The following SLC24A2 variants were observed in gnomAD, a reference collection of about 807,000 sequenced individuals.
SLC24A2 encodes sodium/potassium/calcium exchanger 2.
Under a neutral mutation model 62.0 loss-of-function variants are expected in SLC24A2, and 36 were observed. That is an observed-to-expected ratio of 0.58 (90% confidence interval 0.44 to 0.77). The LOEUF is 0.77. Ranked by LOEUF, SLC24A2 falls within the 30% of genes least tolerant of loss-of-function variation. The pLI, the probability that SLC24A2 is intolerant of heterozygous loss-of-function variation, is 0.00. For synonymous variants in SLC24A2, 358 were observed against 294.0 expected, an observed-to-expected ratio of 1.22 and a Z score of -2.23; for missense variants, 846 against 817.9, an observed-to-expected ratio of 1.03 and a Z score of -0.42.
the SLC24A2 span, among the ~76,000 whole-genome samples, chr9:20,226,787 C>A: frequency 6.6e-6 from 1 of 152,200 alleles, no homozygotes; most frequent in South Asian, 2.1e-4. Flanking sequence ...TGGGCCTCTG[C>A]AACTTGTGTA....
intron 2 of SLC24A2, among the ~76,000 whole-genome samples, chr9:19,686,862 G>T (rs1039276176): frequency 1.3e-5 from 2 of 152,042 alleles, no homozygotes; most frequent in African/African-American, 4.8e-5. Context: ...ATTCACAACA[G>T]CAAAGACATG....
the SLC24A2 span, among the ~76,000 whole-genome samples, chr9:19,998,886 G>T: frequency 6.6e-6 from 1 of 152,162 alleles, no homozygotes; most frequent in African/African-American, 2.4e-5. Flanking sequence ...CCTGATGATG[G>T]GGGACCTCAG....
the SLC24A2 span, among the ~76,000 whole-genome samples, chr9:20,024,374 C>A: frequency 6.6e-6 from 1 of 152,144 alleles, no homozygotes; most frequent in South Asian, 2.1e-4. Flanking sequence ...CACACATAGG[C>A]AGTGGGACTG....
At chr9:20,212,314 A>AG in the SLC24A2 span, among the ~76,000 whole-genome samples, 1 of 151,796 alleles carries the variant, frequency 6.6e-6, no homozygotes, top group African/African-American at 2.4e-5. Flanking sequence ...AAATATACAA[A>AG]GGAAAAAAAA....
the SLC24A2 span, among the ~76,000 whole-genome samples, chr9:19,853,036 C>A: frequency 6.6e-6 from 1 of 152,048 alleles, no homozygotes; most frequent in African/African-American, 2.4e-5. Context: ...CTTCACTTCC[C>A]TTGTTAGATG....
chr9:20,125,153 A>AT, the SLC24A2 span, among the ~76,000 whole-genome samples: 1 of 152,214 alleles, frequency 6.6e-6, no homozygotes, highest in African/African-American at 2.4e-5. Context: ...GTGCTGTGAG[A>AT]TTTTTTTAAA....
chr9:20,046,893 C>G, the SLC24A2 span, among the ~76,000 whole-genome samples: 3 of 152,214 alleles, frequency 2.0e-5, no homozygotes, highest in African/African-American at 7.2e-5. Flanking sequence ...TTCTTTCTAT[C>G]TACTTACTAA....
intron 2 of SLC24A2, among the ~76,000 whole-genome samples, chr9:19,730,591 T>C (rs1391918415): frequency 1.3e-5 from 2 of 152,152 alleles, no homozygotes; most frequent in Non-Finnish European, 2.9e-5. Flanking sequence ...ATCTAACTTA[T>C]ATATTAAATT....
the SLC24A2 span, among the ~76,000 whole-genome samples, chr9:20,094,517 C>A: frequency 6.6e-6 from 1 of 152,090 alleles, no homozygotes; most frequent in Non-Finnish European, 1.5e-5. Context: ...AATAGTTAGA[C>A]TTTTCTAATG....
intron 2 of SLC24A2, among the ~76,000 whole-genome samples, chr9:19,708,477 G>A (rs1820604983): frequency 6.6e-6 from 1 of 152,142 alleles, no homozygotes; most frequent in Non-Finnish European, 1.5e-5. Flanking sequence ...AACAAAGCTG[G>A]AGCCATCACG....
intron 8 of SLC24A2, among the ~76,000 whole-genome samples, chr9:19,546,405 A>C (rs1834572570): frequency 6.6e-6 from 1 of 152,026 alleles, no homozygotes; most frequent in Admixed American, 6.5e-5. Context: ...GAATCTATAG[A>C]AGCAGTCTGG....
At chr9:20,249,694 A>C in the SLC24A2 span, among the ~76,000 whole-genome samples, 1 of 132,248 alleles carries the variant, frequency 7.6e-6, no homozygotes, top group South Asian at 2.6e-4. Flanking sequence ...AGCAGATTGA[A>C]ACTCTGTCTC....
chr9:19,888,074 A>G, the SLC24A2 span, among the ~76,000 whole-genome samples: 1 of 152,156 alleles, frequency 6.6e-6, no homozygotes, highest in African/African-American at 2.4e-5. Context: ...ATAACCACTA[A>G]AGAACTTATT....
chr9:19,788,954 C>T lies in SLC24A2; in HGVS notation c.-223G>A. Reference sequence around the variant, plus strand: ...CGGCCCGCCGCTCCAGTCCGCCGGCCCTCCGCCTACCCGCTCTGAGGCCCG... The same window carrying T: ...CGGCCCGCCGCTCCAGTCCGCCGGCTCTCCGCCTACCCGCTCTGAGGCCCG... On this transcript the variant is annotated 5_prime_UTR_variant, in exon 1 of 11. Transcript: ENST00000341998. The T allele has an allele frequency of 2.0e-6, 2 of 985,044 alleles. No individual in the cohort carries two copies. Among genetic ancestry groups the T allele is most frequent in the Non-Finnish European group, 2.4e-6 (2 of 829,586 alleles). The allele number at this position is 985,044 out of a possible 1,614,324, so 61.0% of individuals were successfully genotyped here. A position where few individuals can be genotyped will look rare whatever the true frequency, so the allele number is the denominator to read the frequency against.
chr9:19,819,148 G>A, the SLC24A2 span, among the ~76,000 whole-genome samples: 1 of 152,168 alleles, frequency 6.6e-6, no homozygotes, highest in African/African-American at 2.4e-5. Flanking sequence ...CTAGCCACAT[G>A]TAGGAGAATG....
chr9:19,545,462 G>A (rs746973876), intron 8 of SLC24A2, among the ~76,000 whole-genome samples: 28 of 151,720 alleles, frequency 1.8e-4, no homozygotes, highest in Non-Finnish European at 3.7e-4. Context: ...ATCCATTTTT[G>A]TTCCATTGCT....
chr9:20,301,622 T>G, the SLC24A2 span, among the ~76,000 whole-genome samples: 2 of 151,520 alleles, frequency 1.3e-5, no homozygotes, highest in Non-Finnish European at 2.9e-5. Flanking sequence ...ACAGCAAAAT[T>G]GAGAGGAAGG....
chr9:19,727,724 G>A (rs1336314953), intron 2 of SLC24A2, among the ~76,000 whole-genome samples: 1 of 152,152 alleles, frequency 6.6e-6, no homozygotes, highest in African/African-American at 2.4e-5. Flanking sequence ...TTTATCTTAA[G>A]TGTGGAAAAG....
chr9:20,258,703 T>C, the SLC24A2 span, among the ~76,000 whole-genome samples: 1 of 152,158 alleles, frequency 6.6e-6, no homozygotes, highest in Non-Finnish European at 1.5e-5. Context: ...AGATGGTCTG[T>C]CACGGGTGTT....
Sources: allele counts gnomAD v4.1 joint callset (sites outside exome capture counted in the v4.1 genomes callset), GRCh38; gene constraint gnomAD v4.1.1; transcripts MANE v1.5; gene names NCBI Gene and HGNC (gene_info 2026-07-23, HGNC 2026-07-21).